The following PACSIN2 variants were observed in gnomAD, a reference collection of about 807,000 sequenced individuals.
PACSIN2 encodes the protein protein kinase C and casein kinase substrate in neurons 2, also known as protein kinase C and casein kinase substrate in neurons protein 2.
Under a neutral mutation model 63.8 loss-of-function variants are expected in PACSIN2, and 25 were observed. The observed-to-expected ratio is 0.39, with a 90% confidence interval of 0.29 to 0.55. PACSIN2 has a LOEUF of 0.55. PACSIN2 is among the 20% of genes least tolerant of loss of function. The pLI, the probability that PACSIN2 is intolerant of heterozygous loss-of-function variation, is 0.62. For synonymous variants in PACSIN2, 255 were observed against 256.2 expected (o/e 1.00, Z 0.05); for missense variants, 518 against 646.9 (o/e 0.80, Z 2.16).
At chr22:43,009,865 A>ATTTTTTTTTTTTT (rs898985902) in intron 1 of PACSIN2, among the ~76,000 whole-genome samples, 1 of 75,618 alleles carries the variant, frequency 1.3e-5, no homozygotes. Flanking sequence ...TATTTTTTCT[A>ATTTTTTTTTTTTT]TTTTTTTTTT....
At chr22:43,010,957 T>C (rs1340318184) in intron 1 of PACSIN2, among the ~76,000 whole-genome samples, 2 of 152,222 alleles carry the variant, frequency 1.3e-5, no homozygotes, top group Non-Finnish European at 2.9e-5. Context: ...GTAGTTACCT[T>C]TGGAACTGCA....
rs10222268 is a variant in PACSIN2 at position 43,004,614 on chromosome 22, T to G, written c.-78+10407A>C. On this transcript the variant is annotated intron_variant, in intron 1 of 10. Transcript: ENST00000263246. ...CAATTCATGATCTTGGCACGCTCGGTTGGCGACAACATAATTTAATATAAT... is the reference window on the plus strand; with the variant it reads ...CAATTCATGATCTTGGCACGCTCGGGTGGCGACAACATAATTTAATATAAT... Among the ~76,000 whole-genome samples, 985 of 152,354 alleles carry G rather than the reference T, an allele frequency of 6.5e-3. 13 individuals are homozygous for G. The highest frequency in any genetic ancestry group is 0.023 in the African/African-American group (956 of 41,572).
intron 2 of PACSIN2, among the ~76,000 whole-genome samples, chr22:42,896,852 AT>A (rs1398946972): frequency 6.6e-6 from 1 of 152,126 alleles, no homozygotes; most frequent in African/African-American, 2.4e-5. Context: ...TGTGATTTTA[AT>A]TTGCATCTTT....
Position 42,900,349 on chromosome 22 carries a change from C to T in PACSIN2, c.61-6736G>A, listed in dbSNP as rs543838856. ...CCACACACTGAGTGATTTTCACTAG[C>T]GACGGCGTCATAATAGAGCATCCCA... On this transcript the variant is annotated intron_variant, in intron 2 of 10. Coordinates refer to ENST00000263246, the MANE Select transcript of PACSIN2 (RefSeq NM_001184970.3). Among the ~76,000 whole-genome samples the T allele has an allele frequency of 3.9e-4, 60 of 152,298 alleles. 1 individual carries two copies. Among genetic ancestry groups the T allele is most frequent in the South Asian group, 2.1e-4 (1 of 4,832 alleles).
chr22:43,006,845 C>G lies in PACSIN2; in HGVS notation c.-78+8176G>C, dbSNP rs1258941642. On this transcript the variant is annotated intron_variant, in intron 1 of 10. Coordinates refer to ENST00000263246, the MANE Select transcript of PACSIN2 (RefSeq NM_001184970.3). Reference sequence around the variant, plus strand: ...AAGAAAAAAGAAAGAGAAGCAGAACCCACACAGCTACTGCATTCTCAACCA... The same window carrying G: ...AAGAAAAAAGAAAGAGAAGCAGAACGCACACAGCTACTGCATTCTCAACCA... Among the ~76,000 whole-genome samples, 4 of 152,200 alleles carry G rather than the reference C, an allele frequency of 2.6e-5. No homozygotes were observed. The East Asian group carries it at 7.7e-4, about 29-fold the overall frequency.
chr22:42,879,211 A>G, intron 7 of PACSIN2, 42 bp from the exon 8 acceptor site: 1 of 1,597,568 alleles, frequency 6.3e-7, no homozygotes, highest in Non-Finnish European at 8.5e-7. Context: ...AAGGTTCACT[A>G]CTTGCTGGAA....
chr22:42,963,936 C>CAT (rs3046542), intron 1 of PACSIN2, among the ~76,000 whole-genome samples: 94,014 of 151,552 alleles, frequency 0.62, 29,962 homozygotes, highest in East Asian at 0.78. Context: ...ATATAATTCA[C>CAT]GTCACACAGT....
intron 1 of PACSIN2, among the ~76,000 whole-genome samples, chr22:43,011,999 G>A (rs775169681): frequency 5.3e-5 from 8 of 152,116 alleles, no homozygotes; most frequent in Non-Finnish European, 1.0e-4. Context: ...ACAAAAATTA[G>A]CCAGGCGTGG....
chr22:42,903,050 TGA>T (rs926278395), intron 2 of PACSIN2, among the ~76,000 whole-genome samples: 3 of 152,242 alleles, frequency 2.0e-5, no homozygotes, highest in Admixed American at 6.5e-5. Context: ...GCCGCATTCC[TGA>T]GAGAGTCACA....
At chr22:42,974,136 GA>G (rs1921516819) in intron 1 of PACSIN2, among the ~76,000 whole-genome samples, 1 of 152,210 alleles carries the variant, frequency 6.6e-6, no homozygotes. Context: ...CTGTTGTCCT[GA>G]AATCTATGTA....
intron 5 of PACSIN2, among the ~76,000 whole-genome samples, chr22:42,885,097 A>G (rs1343092526): frequency 1.3e-5 from 2 of 152,224 alleles, no homozygotes; most frequent in African/African-American, 4.8e-5. Flanking sequence ...CCCCTCACAC[A>G]GCTGCTCCCT....
At chr22:42,974,999 G>T (rs1030139247) in intron 1 of PACSIN2, among the ~76,000 whole-genome samples, 13 of 152,154 alleles carry the variant, frequency 8.5e-5, no homozygotes, top group Admixed American at 8.5e-4. Context: ...CCAGGGCCTA[G>T]AATGTGGGTC....
In PACSIN2 at chr22:42,916,503, C is replaced by T. The variant is rs1056237556; in HGVS notation, c.-77-4346G>A. 2.0e-5 allele frequency among the ~76,000 whole-genome samples: 3 copies of T among 152,086 alleles called. 1 individual carries two copies. Among genetic ancestry groups the T allele is most frequent in the South Asian group, 4.1e-4 (2 of 4,824 alleles). ...AGTCCCCTCTCTCCTGCCCCTGCTC[C>T]GGGATATGAGCAGCAGGGGCCCTGT... On this transcript the variant is annotated intron_variant, in intron 1 of 10. Transcript: ENST00000263246.
intron 2 of PACSIN2, among the ~76,000 whole-genome samples, chr22:42,904,183 G>C (rs908171291): frequency 2.0e-5 from 3 of 152,206 alleles, no homozygotes; most frequent in Admixed American, 6.5e-5. Context: ...TCTTCCTCAA[G>C]GCCGTCGGCC....
intron 1 of PACSIN2, among the ~76,000 whole-genome samples, chr22:42,936,596 C>T (rs1932925924): frequency 6.6e-6 from 1 of 152,130 alleles, no homozygotes; most frequent in Admixed American, 6.5e-5. Context: ...AAGACTTTTA[C>T]ATATATCAAA....
chr22:42,965,525 C>A (rs925944484), intron 1 of PACSIN2, among the ~76,000 whole-genome samples: 1 of 152,212 alleles, frequency 6.6e-6, no homozygotes, highest in Non-Finnish European at 1.5e-5. Flanking sequence ...TCCTACCCAG[C>A]GTCTGCATCT....
chr22:42,920,202 G>A (rs1569272290), intron 1 of PACSIN2, among the ~76,000 whole-genome samples: 1 of 152,172 alleles, frequency 6.6e-6, no homozygotes, highest in Admixed American at 6.5e-5. Flanking sequence ...AATGAGTTCT[G>A]TGAACTCTGA....
chr22:42,876,254 C>G lies in PACSIN2; in HGVS notation c.1231G>C (p.Asp411His). The change falls in exon 10 of 11, where the codon GAT becomes CAT. Residue 411 changes from aspartate (D) to histidine (H), a missense_variant. This residue lies in a region of PACSIN2 where 507 missense variants were observed against 612.3 expected (regional missense o/e 0.83). Coordinates refer to ENST00000263246, the MANE Select transcript of PACSIN2 (RefSeq NM_001184970.3). ...AATGGATTCGAGTCCCCATTGGCAT[C>G]CGTGGAGGAGAAGGGGTTGTTAGAC... ...DESNNPFSST[D>H]ANGDSNPFDD... 1 of 1,614,220 alleles carries G rather than the reference C, an allele frequency of 6.2e-7. No individual in the cohort carries two copies. Among genetic ancestry groups the G allele is most frequent in the Non-Finnish European group, 8.5e-7 (1 of 1,180,036 alleles).
At chr22:43,002,054 A>G (rs1003201431) in intron 1 of PACSIN2, among the ~76,000 whole-genome samples, 1 of 152,192 alleles carries the variant, frequency 6.6e-6, no homozygotes, top group Admixed American at 6.5e-5. Flanking sequence ...AGCAGACCAG[A>G]ACAGAAAAAC....
Sources: allele counts gnomAD v4.1 joint callset (sites outside exome capture counted in the v4.1 genomes callset), GRCh38; gene constraint gnomAD v4.1.1; regional missense constraint gnomAD v4.1.1; transcripts MANE v1.5; gene names NCBI Gene and HGNC (gene_info 2026-07-23, HGNC 2026-07-21).